BEST3: variants seen among roughly 807,000 people sequenced by gnomAD.
The protein encoded by BEST3 is bestrophin-3.
In BEST3, 50 loss-of-function variants were observed where a neutral mutation model predicts 47.1. That is an observed-to-expected ratio of 1.06 (90% CI 0.85 to 1.34). The LOEUF (loss-of-function observed/expected upper bound fraction) is 1.34, where lower values mean the gene tolerates loss of function less well. Among genes scored for constraint, BEST3 ranks in the 40% most tolerant of loss-of-function variants. The pLI is 0.00. For synonymous variants in BEST3, 282 were observed against 298.8 expected, an observed-to-expected ratio of 0.94 and a Z score of 0.58; for missense variants, 765 against 817.0, an observed-to-expected ratio of 0.94 and a Z score of 0.78.
intron 9 of BEST3, among the ~76,000 whole-genome samples, chr12:69,644,011 C>T (rs926443003): frequency 1.3e-5 from 2 of 152,150 alleles, no homozygotes; most frequent in Admixed American, 6.5e-5. Flanking sequence ...GTTTCAGGCA[C>T]CCAAACCAGC....
intron 9 of BEST3, among the ~76,000 whole-genome samples, chr12:69,669,384 A>G (rs778970336): frequency 5.9e-5 from 9 of 152,144 alleles, no homozygotes. Flanking sequence ...ACCCTCTCCC[A>G]ATAGGTTCTG....
chr12:69,650,158 T>C (rs891285578), downstream of BEST3, among the ~76,000 whole-genome samples: 4 of 152,246 alleles, frequency 2.6e-5, no homozygotes, highest in Non-Finnish European at 2.9e-5. Flanking sequence ...TGGCCAGGCA[T>C]GAGCTGACTG....
intron 9 of BEST3, among the ~76,000 whole-genome samples, chr12:69,644,339 G>A (rs767465655): frequency 6.6e-6 from 1 of 152,148 alleles, no homozygotes; most frequent in Non-Finnish European, 1.5e-5. Context: ...AGAATTAAAT[G>A]TGCTAAGTAA....
chr12:69,667,151 G>A (rs1884273246), intron 9 of BEST3, among the ~76,000 whole-genome samples: 1 of 152,046 alleles, frequency 6.6e-6, no homozygotes, highest in African/African-American at 2.4e-5. Context: ...TCATTTCTTG[G>A]CTCTTCTGCT....
At chr12:69,680,737 A>G (rs146861140) in intron 4 of BEST3, among the ~76,000 whole-genome samples, 1 of 152,292 alleles carries the variant, frequency 6.6e-6, no homozygotes, top group Non-Finnish European at 1.5e-5. Context: ...GGAAATCACG[A>G]TGATCTGTTT....
intron 9 of BEST3, 81 bp from the exon 10 acceptor site, chr12:69,655,894 G>T (rs1464546266): frequency 1.3e-6 from 2 of 1,498,612 alleles, no homozygotes; most frequent in Non-Finnish European, 1.8e-6. Flanking sequence ...GTTAAGAGAT[G>T]ACTTTGGTAT....
At chr12:69,679,533 A>G (rs147416395) in intron 4 of BEST3, among the ~76,000 whole-genome samples, 22 of 152,316 alleles carry the variant, frequency 1.4e-4, no homozygotes, top group African/African-American at 5.3e-4. Flanking sequence ...ATTAATGTTC[A>G]TCGTCCCCAT....
At chr12:69,685,615 T>C (rs897928950) in intron 4 of BEST3, among the ~76,000 whole-genome samples, 6 of 152,194 alleles carry the variant, frequency 3.9e-5, no homozygotes, top group African/African-American at 1.4e-4. Context: ...GTTGAACAAC[T>C]GCCCTAGTGC....
chr12:69,683,104 C>T (rs538100554), intron 4 of BEST3: 10 of 152,310 alleles, frequency 6.6e-5, no homozygotes, highest in African/African-American at 2.2e-4. Flanking sequence ...TATTCAGAAG[C>T]ATGGATCAAA....
At chr12:69,671,743 G>C (rs1690227577) in intron 8 of BEST3, among the ~76,000 whole-genome samples, 164 bp from the exon 9 acceptor site, 1 of 152,164 alleles carries the variant, frequency 6.6e-6, no homozygotes, top group South Asian at 2.1e-4. Context: ...CTGCCACAGA[G>C]AGTTGTATCT....
At chr12:69,678,310 A>G (rs1405332387) in intron 5 of BEST3, among the ~76,000 whole-genome samples, 1 of 152,134 alleles carries the variant, frequency 6.6e-6, no homozygotes, top group Non-Finnish European at 1.5e-5. Context: ...GAGTATCTGA[A>G]AGGCTGGCTT....
intron 4 of BEST3, among the ~76,000 whole-genome samples, chr12:69,680,773 C>T (rs1160133241): frequency 6.6e-6 from 1 of 152,092 alleles, no homozygotes; most frequent in Non-Finnish European, 1.5e-5. Context: ...AGAGAAATCT[C>T]ATGGATTTTC....
Position 69,693,284 on chromosome 12 carries a change from G to T in BEST3, c.481+390C>A, listed in dbSNP as rs149410467. On this transcript the variant is annotated intron_variant, in intron 4 of 9. Coordinates refer to ENST00000330891, the MANE Select transcript of BEST3 (RefSeq NM_032735.3). ...TTTTCTTTTTTTTTTTTTGAGACAG[G>T]TCTGGCTCTGTGGCCCAGGCTGGAG... is the stretch of plus-strand genomic sequence containing the variant. Among the ~76,000 whole-genome samples the T allele has an allele frequency of 2.6e-3, 334 of 129,446 alleles. 2 individuals are homozygous for T. The highest frequency in any genetic ancestry group is 9.7e-3 in the African/African-American group (328 of 33,678). The allele number at this position is 129,446 out of a possible 152,430, so 84.9% of individuals were successfully genotyped here.
chr12:69,671,399 T>G (rs1409813872), intron 9 of BEST3, 29 bp downstream of exon 9: 1 of 1,585,634 alleles, frequency 6.3e-7, no homozygotes, highest in African/African-American at 1.4e-5. Context: ...GGCTGGAAAA[T>G]ATTAGAGATT....
At chr12:69,668,096 G>A (rs1047035674) in intron 9 of BEST3, among the ~76,000 whole-genome samples, 10 of 152,172 alleles carry the variant, frequency 6.6e-5, no homozygotes, top group African/African-American at 7.2e-5. Context: ...TGTGAACAGC[G>A]CTGTTGAATG....
chr12:69,679,519 G>C (rs1233831762), intron 4 of BEST3, among the ~76,000 whole-genome samples: 1 of 152,196 alleles, frequency 6.6e-6, no homozygotes, highest in Non-Finnish European at 1.5e-5. Context: ...AGGGCAAAGA[G>C]TATATTAATG....
At chr12:69,650,626 G>A (rs1365229619), downstream of BEST3, among the ~76,000 whole-genome samples, 1 of 152,168 alleles carries the variant, frequency 6.6e-6, no homozygotes, top group African/African-American at 2.4e-5. Context: ...CCAGGTTTAG[G>A]GAGATTAGAT....
chr12:69,694,564 T>C (rs75229567), intron 2 of BEST3, 100 bp from the exon 3 acceptor site: 21,945 of 532,910 alleles, frequency 0.041, 608 homozygotes, highest in South Asian at 0.075. Context: ...AAATAATCTT[T>C]TATTTTTGAA....
At chr12:69,649,725 C>T (rs11177764), downstream of BEST3, among the ~76,000 whole-genome samples, 64,552 of 152,102 alleles carry the variant, frequency 0.42, 15,703 homozygotes, top group Middle Eastern at 0.59. Context: ...CCACTAGATG[C>T]CAGAAATACT....
Sources: gnomAD v4.1 joint callset for allele counts (sites outside exome capture counted in the v4.1 genomes callset) on GRCh38, gnomAD v4.1.1 for gene constraint, MANE v1.5 for transcripts, NCBI Gene and HGNC (gene_info 2026-07-23, HGNC 2026-07-21) for gene names.